The following JAZF1 variants were observed in gnomAD, a reference collection of about 807,000 sequenced individuals.
JAZF1 encodes juxtaposed with another zinc finger protein 1.
Under a neutral mutation model 26.4 loss-of-function variants are expected in JAZF1, and 8 were observed. That is an observed-to-expected ratio of 0.30 (90% confidence interval 0.18 to 0.55). The LOEUF is 0.55. JAZF1 is among the 20% of genes least tolerant of loss of function. The pLI, the probability that JAZF1 is intolerant of heterozygous loss-of-function variation, is 0.94. For synonymous variants in JAZF1, 126 were observed against 122.3 expected (o/e 1.03, Z -0.20); for missense variants, 199 against 322.0 (o/e 0.62, Z 2.92).
intron 2 of JAZF1, among the ~76,000 whole-genome samples, chr7:27,931,806 A>C (rs1784692757): frequency 6.6e-6 from 1 of 152,042 alleles, no homozygotes; most frequent in African/African-American, 2.4e-5. Flanking sequence ...ACCTGGGAGA[A>C]TTGCTTGAAC....
At chr7:28,142,208 G>A (rs1782969282) in intron 1 of JAZF1, among the ~76,000 whole-genome samples, 1 of 152,058 alleles carries the variant, frequency 6.6e-6, no homozygotes, top group Admixed American at 6.5e-5. Flanking sequence ...CATCATCTGG[G>A]GAGCTCAGTG....
Position 27,846,858 on chromosome 7 carries a change from C to T in JAZF1, c.386-5991G>A, listed in dbSNP as rs531226315. Reference sequence around the variant, plus strand: ...CTTTGTAAATTTTGGCTGTTAACCCCTTATCAGATATATGGTTTGCAAATA... The same window carrying T: ...CTTTGTAAATTTTGGCTGTTAACCCTTTATCAGATATATGGTTTGCAAATA... On this transcript the variant is annotated intron_variant, in intron 3 of 4. Transcript: ENST00000283928. Among the ~76,000 whole-genome samples, 5 of 152,320 alleles carry T rather than the reference C, an allele frequency of 3.3e-5. No homozygotes were observed. In the South Asian group the frequency reaches 1.0e-3, roughly 32 times the overall value.
intron 1 of JAZF1, among the ~76,000 whole-genome samples, chr7:28,079,996 T>G (rs1199328034): frequency 1.3e-5 from 2 of 151,584 alleles, no homozygotes; most frequent in Non-Finnish European, 2.9e-5. Flanking sequence ...TACTGTAGTC[T>G]ATAAAGTGTG....
At chr7:28,090,969 GGCGCCCGCCACC>G (rs1026010934) in intron 1 of JAZF1, among the ~76,000 whole-genome samples, 1 of 151,040 alleles carries the variant, frequency 6.6e-6, no homozygotes, top group African/African-American at 2.4e-5. Context: ...TGGGACTACA[GGCGCCCGCCACC>G]GCGCCCGGCT....
At chr7:27,976,931 C>T (rs968755623) in intron 2 of JAZF1, among the ~76,000 whole-genome samples, 1 of 152,072 alleles carries the variant, frequency 6.6e-6, no homozygotes, top group Non-Finnish European at 1.5e-5. Flanking sequence ...AGGAAGAAAG[C>T]TTTCATTAAG....
At chr7:27,929,959 T>TCTCTCTCC (rs930029359) in intron 2 of JAZF1, among the ~76,000 whole-genome samples, 57 of 146,224 alleles carry the variant, frequency 3.9e-4, no homozygotes, top group Non-Finnish European at 6.3e-4. Flanking sequence ...TCTCTCTCTC[T>TCTCTCTCC]CCCCCTCTCT....
chr7:28,032,279 A>C, intron 1 of JAZF1, among the ~76,000 whole-genome samples: 2 of 152,232 alleles, frequency 1.3e-5, no homozygotes, highest in East Asian at 3.8e-4. Context: ...CTGGCACTGC[A>C]CATTTTGGAT....
intron 2 of JAZF1, among the ~76,000 whole-genome samples, chr7:27,952,237 C>T (rs1785022033): frequency 6.6e-6 from 1 of 152,198 alleles, no homozygotes. Flanking sequence ...GAGGCTGCAC[C>T]TAGCACAGAA....
In JAZF1 at chr7:27,836,347, C is replaced by T. The variant is rs137908143; in HGVS notation, c.556-3371G>A. 2.8e-3 allele frequency among the ~76,000 whole-genome samples: 419 copies of T among 152,220 alleles called. 4 individuals are homozygous for T. Among genetic ancestry groups the T allele is most frequent in the African/African-American group, 9.2e-3 (384 of 41,524 alleles). On this transcript the variant is annotated intron_variant, in intron 4 of 4. Coordinates refer to ENST00000283928, the MANE Select transcript of JAZF1 (RefSeq NM_175061.4). ...TTCCACCATTAGGAACTACCTGTCCCCTCTGATGGAATTAGGCCAGTCAAT... is the reference window on the plus strand; with the variant it reads ...TTCCACCATTAGGAACTACCTGTCCTCTCTGATGGAATTAGGCCAGTCAAT...
chr7:27,846,540 C>T (rs1395693234), intron 3 of JAZF1: 2 of 470,902 alleles, frequency 4.2e-6, no homozygotes, highest in African/African-American at 2.0e-5. Flanking sequence ...GGGTGATGAT[C>T]TCATTTTCTG....
chr7:27,835,653 A>G (rs1782792059), intron 4 of JAZF1, among the ~76,000 whole-genome samples: 1 of 152,216 alleles, frequency 6.6e-6, no homozygotes, highest in South Asian at 2.1e-4. Flanking sequence ...CCCTTATCGC[A>G]AATGTTAGTA....
intron 1 of JAZF1, among the ~76,000 whole-genome samples, chr7:28,171,262 A>G (rs558285173): frequency 4.6e-5 from 7 of 152,338 alleles, no homozygotes; most frequent in African/African-American, 1.7e-4. Flanking sequence ...AATATAAACC[A>G]TACTGGACTA....
chr7:28,060,801 G>A (rs1306926524), intron 1 of JAZF1, among the ~76,000 whole-genome samples: 1 of 152,166 alleles, frequency 6.6e-6, no homozygotes, highest in Non-Finnish European at 1.5e-5. Flanking sequence ...TGTGGCTCTG[G>A]AGGTTGTAAA....
intron 1 of JAZF1, among the ~76,000 whole-genome samples, chr7:28,052,819 C>CT (rs369888517): frequency 0.025 from 3,656 of 146,380 alleles, 151 homozygotes; most frequent in African/African-American, 0.085. Context: ...TGGATACTGG[C>CT]TTTTTTTTTT....
chr7:27,857,000 A>T (rs1473164968), intron 3 of JAZF1, among the ~76,000 whole-genome samples: 2 of 152,248 alleles, frequency 1.3e-5, no homozygotes, highest in Non-Finnish European at 2.9e-5. Flanking sequence ...CACCCAGTGG[A>T]TCCTGCACCA....
At chr7:28,051,144 A>C (rs867058316) in intron 1 of JAZF1, among the ~76,000 whole-genome samples, 13 of 137,760 alleles carry the variant, frequency 9.4e-5, no homozygotes, top group Admixed American at 1.4e-4. Flanking sequence ...AAAAAAAAAA[A>C]AAAAAAAAAA....
At chr7:27,978,284 C>T (rs1259134487) in intron 2 of JAZF1, among the ~76,000 whole-genome samples, 4 of 152,176 alleles carry the variant, frequency 2.6e-5, no homozygotes, top group African/African-American at 4.8e-5. Flanking sequence ...GACTCCTGCT[C>T]CTATACTCTT....
At chr7:27,930,209 A>G (rs373286050) in intron 2 of JAZF1, among the ~76,000 whole-genome samples, 1 of 152,198 alleles carries the variant, frequency 6.6e-6, no homozygotes, top group African/African-American at 2.4e-5. Flanking sequence ...GTTAGCCAGG[A>G]TGGTCTCAAT....
At chr7:28,044,630 C>G (rs1176430391) in intron 1 of JAZF1, among the ~76,000 whole-genome samples, 3 of 152,130 alleles carry the variant, frequency 2.0e-5, no homozygotes, top group Non-Finnish European at 2.9e-5. Context: ...AAAAAAAAAT[C>G]CCACAAAATG....
Sources: gnomAD v4.1 joint callset for allele counts (sites outside exome capture counted in the v4.1 genomes callset) on GRCh38, gnomAD v4.1.1 for gene constraint, MANE v1.5 for transcripts, NCBI Gene and HGNC (gene_info 2026-07-23, HGNC 2026-07-21) for gene names.